AMPH: variants seen among roughly 807,000 people sequenced by gnomAD.
AMPH encodes amphiphysin.
AMPH carries 49 observed loss-of-function variants against 99.1 expected under a neutral mutation model. The ratio of observed to expected loss-of-function variants is 0.49; its 90% CI spans 0.39 to 0.63. AMPH has a LOEUF of 0.63. Ranked by LOEUF, AMPH falls within the 20% of genes least tolerant of loss-of-function variation. AMPH has a pLI of 0.00. For missense variants in AMPH, 759 were observed against 863.4 expected, an observed-to-expected ratio of 0.88 and a Z score of 1.52; for synonymous variants, 314 against 317.3, an observed-to-expected ratio of 0.99 and a Z score of 0.11.
chr7:38,387,513 T>C (rs557382499), intron 20 of AMPH, among the ~76,000 whole-genome samples: 1 of 152,148 alleles, frequency 6.6e-6, no homozygotes, highest in South Asian at 2.1e-4. Context: ...CTGGATAAAT[T>C]TAACTACGAA....
At chr7:38,429,143 A>C (rs1207457129) in intron 14 of AMPH, 1 of 1,289,826 alleles carries the variant, frequency 7.8e-7, no homozygotes, top group South Asian at 1.2e-5. Flanking sequence ...TATCTTCATG[A>C]CTTTCTTTGA....
At chr7:38,522,902 T>C (rs191731559) in intron 2 of AMPH, among the ~76,000 whole-genome samples, 254 of 151,624 alleles carry the variant, frequency 1.7e-3, no homozygotes, top group African/African-American at 5.9e-3. Context: ...AGGTTAGGAG[T>C]TCGAGACCAG....
Position 38,445,074 on chromosome 7 carries a change from C to CATATATACATGGTATATACATATATATAT in AMPH, c.1018-8687_1018-8686insATATATATATGTATATACCATGTATATAT, listed in dbSNP as rs1245361594. 9.0e-5 allele frequency among the ~76,000 whole-genome samples: 13 copies of CATATATACATGGTATATACATATATATAT among 144,022 alleles called. No individual in the cohort carries two copies. The East Asian group carries it at 2.5e-3, about 28-fold the overall frequency. 94.5% of individuals were successfully genotyped at this position (144,022 alleles called of 152,430 possible). On this transcript the variant is annotated intron_variant, in intron 11 of 20. Transcript: ENST00000356264. ...TAGATGGTATATACATATATATATACACATATATACATGGTATATACATAT... is the reference window on the plus strand; with the variant it reads ...TAGATGGTATATACATATATATATACATATATACATGGTATATACATATATATATACATATATACATGGTATATACATAT...
At chr7:38,502,186 G>A (rs1328763106) in intron 3 of AMPH, among the ~76,000 whole-genome samples, 1 of 152,030 alleles carries the variant, frequency 6.6e-6, no homozygotes, top group African/African-American at 2.4e-5. Context: ...ACATACTTAC[G>A]ACATCAAATC....
At chr7:38,404,368 G>A (rs1476708988) in intron 17 of AMPH, among the ~76,000 whole-genome samples, 1 of 152,028 alleles carries the variant, frequency 6.6e-6, no homozygotes. Context: ...TAAAAAACCT[G>A]CTGCAGAAGG....
At chr7:38,440,789 G>A (rs185018905) in intron 11 of AMPH, among the ~76,000 whole-genome samples, 1 of 151,974 alleles carries the variant, frequency 6.6e-6, no homozygotes, top group East Asian at 1.9e-4. Flanking sequence ...TAGCTAATAA[G>A]TAAATAAAGA....
chr7:38,543,854 C>A (rs1227120655), intron 1 of AMPH, among the ~76,000 whole-genome samples: 1 of 152,092 alleles, frequency 6.6e-6, no homozygotes, highest in Non-Finnish European at 1.5e-5. Context: ...ATACCAAAGA[C>A]TATATATCCA....
In AMPH at chr7:38,447,778, A is replaced by ACC. The variant is rs1491464095; in HGVS notation, c.1018-11392_1018-11391dup. ...CACACACACACACACACACACACACACCCATACACAAAATTTCTTTAATCA... is the reference window on the plus strand; with the variant it reads ...CACACACACACACACACACACACACACCCCCATACACAAAATTTCTTTAATCA... On this transcript the variant is annotated intron_variant, in intron 11 of 20. Transcript: ENST00000356264. 1.3e-3 allele frequency among the ~76,000 whole-genome samples: 195 copies of ACC among 148,378 alleles called. 22 individuals carry two copies. The highest frequency in any genetic ancestry group is 2.4e-3 in the Admixed American group (35 of 14,798).
intron 1 of AMPH, among the ~76,000 whole-genome samples, chr7:38,552,715 G>T (rs1163362722): frequency 6.6e-6 from 1 of 152,158 alleles, no homozygotes; most frequent in Non-Finnish European, 1.5e-5. Context: ...TTCAATATCA[G>T]CCAGGCTCAA....
intron 1 of AMPH, among the ~76,000 whole-genome samples, chr7:38,585,412 T>G (rs959070650): frequency 6.6e-6 from 1 of 152,152 alleles, no homozygotes; most frequent in Non-Finnish European, 1.5e-5. Flanking sequence ...TGGAGATGCA[T>G]AAACTCTGCT....
intron 5 of AMPH, among the ~76,000 whole-genome samples, chr7:38,478,327 A>C (rs542465965): frequency 7.2e-5 from 11 of 152,162 alleles, no homozygotes; most frequent in Non-Finnish European, 1.6e-4. Context: ...AAAATATTAC[A>C]GATATTAAAA....
At chr7:38,423,574 A>G (rs974579231) in intron 15 of AMPH, among the ~76,000 whole-genome samples, 4 of 152,234 alleles carry the variant, frequency 2.6e-5, no homozygotes, top group Non-Finnish European at 5.9e-5. Flanking sequence ...ATAAGAATGA[A>G]AAGAATGAGA....
At chr7:38,617,733 C>T (rs1793925599) in intron 1 of AMPH, among the ~76,000 whole-genome samples, 2 of 152,086 alleles carry the variant, frequency 1.3e-5, no homozygotes, top group African/African-American at 4.8e-5. Flanking sequence ...CTTTTTAAGT[C>T]ACAGATCTTT....
chr7:38,436,386 A>G lies in AMPH; in HGVS notation c.1020T>C (p.Asn340=). Residue 340 remains asparagine, a splice_region_variant and synonymous_variant, in exon 12 of 21, where the codon AAT becomes AAC. Coordinates refer to ENST00000356264, the MANE Select transcript of AMPH (RefSeq NM_001635.4). ...CCTCTTTCTTCACCTCAGGGACTTC[A>G]TTCTGTTAAAGCAAACAACAAAACA... The part of the protein sequence containing the change: ...PEISVTTPSQ[N]EVPEVKKEET... The G allele has an allele frequency of 6.2e-7, 1 of 1,612,552 alleles. No homozygotes were observed. The highest frequency in any genetic ancestry group is 1.1e-5 in the South Asian group (1 of 91,062).
intron 1 of AMPH, among the ~76,000 whole-genome samples, chr7:38,536,052 A>G (rs912848824): frequency 2.6e-5 from 4 of 152,202 alleles, no homozygotes; most frequent in Admixed American, 2.6e-4. Flanking sequence ...TCAAGGCCCC[A>G]TGCTAAACAC....
In AMPH at chr7:38,394,207, G is replaced by T. The variant is rs1268918230; in HGVS notation, c.1406C>A (p.Pro469His). The T allele has an allele frequency of 6.2e-7, 1 of 1,614,106 alleles. No individual in the cohort carries two copies. Among genetic ancestry groups the T allele is most frequent in the South Asian group, 1.1e-5 (1 of 91,084 alleles). Residue 469 changes from proline (P) to histidine (H), a missense_variant, in exon 18 of 21, where the codon CCT becomes CAT. Transcript: ENST00000356264. ...AACAGCTGCATCAGCATCAGCTCCA[G>T]GTATGATCTGCAGGGCAGAAACCAG... ...EEPVEEAVII[P>H]GADADAAVGT...
intron 13 of AMPH, chr7:38,431,960 A>G (rs746180892): frequency 4.2e-5 from 25 of 595,310 alleles, no homozygotes; most frequent in South Asian, 1.4e-4. Flanking sequence ...TATTCAAATT[A>G]TTGACCATTA....
intron 18 of AMPH, 100 bp downstream of exon 18, chr7:38,393,905 T>C (rs1784589388): frequency 8.9e-7 from 1 of 1,126,020 alleles, no homozygotes; most frequent in Non-Finnish European, 1.3e-6. Flanking sequence ...GCTACAAACC[T>C]ATTATACATC....
At chr7:38,601,245 C>A (rs1479387847) in intron 1 of AMPH, among the ~76,000 whole-genome samples, 1 of 152,236 alleles carries the variant, frequency 6.6e-6, no homozygotes, top group East Asian at 1.9e-4. Flanking sequence ...TTCGCTACTG[C>A]AACAGTTGTC....
Sources: allele counts gnomAD v4.1 joint callset (sites outside exome capture counted in the v4.1 genomes callset), GRCh38; gene constraint gnomAD v4.1.1; transcripts MANE v1.5; gene names NCBI Gene and HGNC (gene_info 2026-07-23, HGNC 2026-07-21).